MICALL2: variants seen among roughly 807,000 people sequenced by gnomAD.
The protein encoded by MICALL2 is MICAL like 2, also known as MICAL-like protein 2.
A neutral mutation model predicts 91.1 loss-of-function variants in MICALL2; 111 were observed. That is an observed-to-expected ratio of 1.22 (90% CI 1.04 to 1.43). The LOEUF (loss-of-function observed/expected upper bound fraction) is 1.43. Among genes scored for constraint, MICALL2 ranks in the 40% most tolerant of loss-of-function variants. MICALL2 has a pLI of 0.00. For missense variants in MICALL2, 1,556 were observed against 1,236.0 expected, an observed-to-expected ratio of 1.26 and a Z score of -3.88; for synonymous variants, 694 against 525.3, an observed-to-expected ratio of 1.32 and a Z score of -4.39.
intron 9 of MICALL2, chr7:1,439,626 GAC>G (rs879366522): frequency 6.9e-5 from 23 of 333,316 alleles, no homozygotes; most frequent in South Asian, 1.1e-4. Context: ...TACATGAACA[GAC>G]ACATGGACAT....
chr7:1,437,910 C>T lies in MICALL2; in HGVS notation c.2382G>A (p.Gln794=). 6.5e-7 allele frequency: 1 copy of T among 1,549,264 alleles called. No homozygotes were observed. Among genetic ancestry groups the T allele is most frequent in the Non-Finnish European group, 8.7e-7 (1 of 1,146,846 alleles). The change falls in exon 13 of 17, where the codon CAG becomes CAA. Residue 794 remains glutamine (Q), a synonymous_variant. Coordinates refer to ENST00000297508, the MANE Select transcript of MICALL2 (RefSeq NM_182924.4). ...LIHEKQLLLR[Q]ESELMYKSKA... ...CTCACTTGTACATCAGCTCTGACTC[C>T]TGTCTCAGCAGAAGCTGCTTCTCGT... is the stretch of plus-strand genomic sequence containing the variant.
chr7:1,444,486 G>A (rs561301423), intron 6 of MICALL2, among the ~76,000 whole-genome samples, 166 bp downstream of exon 6: 3 of 152,314 alleles, frequency 2.0e-5, no homozygotes, highest in Admixed American at 6.5e-5. Context: ...TGCCACCCTG[G>A]CTCCTCCTCC....
Position 1,434,592 on chromosome 7 carries a change from G to C in MICALL2, c.*4C>G. ...CCGGGCCGAGCCCACGGCCCTACTGGCTACTACTGGGAGGGGCTGCTTTTG... is the reference window on the plus strand; with the variant it reads ...CCGGGCCGAGCCCACGGCCCTACTGCCTACTACTGGGAGGGGCTGCTTTTG... On this transcript the variant is annotated 3_prime_UTR_variant, in exon 17 of 17. Transcript: ENST00000297508. The C allele has an allele frequency of 6.2e-7, 1 of 1,607,952 alleles. No individual in the cohort carries two copies. Among genetic ancestry groups the C allele is most frequent in the Non-Finnish European group, 8.5e-7 (1 of 1,176,974 alleles).
In MICALL2 at chr7:1,438,288, C is replaced by T. The variant is rs1780083704; in HGVS notation, c.2187+1G>A. Reference sequence around the variant, plus strand: ...CTGCCCGGCTCCCCACCACTACTCACCCTGACTGGGGAGGTCACCGTCTCG... The same window carrying T: ...CTGCCCGGCTCCCCACCACTACTCATCCTGACTGGGGAGGTCACCGTCTCG... On this transcript the variant is annotated splice_donor_variant, in intron 11 of 16. Coordinates refer to ENST00000297508, the MANE Select transcript of MICALL2 (RefSeq NM_182924.4). LOFTEE classifies it high-confidence loss of function. The T allele has an allele frequency of 6.3e-7, 1 of 1,597,618 alleles. No individual in the cohort carries two copies. The highest frequency in any genetic ancestry group is 8.5e-7 in the Non-Finnish European group (1 of 1,172,696).
chr7:1,442,812 G>C (rs564476307), intron 6 of MICALL2, among the ~76,000 whole-genome samples: 1 of 152,162 alleles, frequency 6.6e-6, no homozygotes, highest in Non-Finnish European at 1.5e-5. Flanking sequence ...TCCAGTGTTG[G>C]CTGAGATTAA....
intron 1 of MICALL2, among the ~76,000 whole-genome samples, chr7:1,456,035 C>T (rs893342951): frequency 7.9e-5 from 12 of 151,994 alleles, no homozygotes; most frequent in African/African-American, 2.9e-4. Context: ...AGGAGACCTC[C>T]ACCCCAGCCA....
chr7:1,435,180 T>C, intron 15 of MICALL2, 33 bp from the exon 16 acceptor site: 4 of 1,611,768 alleles, frequency 2.5e-6, no homozygotes, highest in Non-Finnish European at 3.4e-6. Context: ...TGAGCGACAA[T>C]GGCAATGGCA....
chr7:1,453,159 AT>A (rs1019216220), intron 1 of MICALL2, among the ~76,000 whole-genome samples: 1 of 152,032 alleles, frequency 6.6e-6, no homozygotes, highest in Admixed American at 6.5e-5. Flanking sequence ...CCCCAAGAAA[AT>A]GACACATTGG....
In MICALL2 at chr7:1,452,522, C is replaced by T. The variant is rs117108665; in HGVS notation, c.144-2234G>A. Reference sequence around the variant, plus strand: ...CGGCCATGTCCCCGGAAAGAATGCCCGGACGGCCGGGAGGGCAGTGTCACA... The same window carrying T: ...CGGCCATGTCCCCGGAAAGAATGCCTGGACGGCCGGGAGGGCAGTGTCACA... On this transcript the variant is annotated intron_variant, in intron 1 of 16. Transcript: ENST00000297508. The surrounding 1 kb of genome is among the most constrained non-coding windows in gnomAD (Gnocchi z 6.2). Among the ~76,000 whole-genome samples the T allele has an allele frequency of 0.012, 1,793 of 152,306 alleles. 22 individuals carry two copies. Among genetic ancestry groups the T allele is most frequent in the Non-Finnish European group, 0.019 (1,316 of 68,014 alleles).
chr7:1,438,020 A>G (rs1272538103), intron 12 of MICALL2, 40 bp from the exon 13 acceptor site: 1 of 1,552,324 alleles, frequency 6.4e-7, no homozygotes, highest in East Asian at 2.4e-5. Flanking sequence ...GGCCCGCCAG[A>G]GTTCATGGCC....
intron 13 of MICALL2, 44 bp from the exon 14 acceptor site, chr7:1,437,652 TC>T (rs1562446434): frequency 1.3e-6 from 2 of 1,522,086 alleles, no homozygotes; most frequent in East Asian, 2.5e-5. Flanking sequence ...TGCCGCCCTG[TC>T]CCCCGCCTGG....
At chr7:1,450,527 T>G in intron 1 of MICALL2, 1 of 502,512 alleles carries the variant, frequency 2.0e-6, no homozygotes. Context: ...TCACCTCCTG[T>G]ACCCTGACAG....
chr7:1,438,690 C>G, intron 10 of MICALL2, 150 bp downstream of exon 10: 2 of 1,471,130 alleles, frequency 1.4e-6, no homozygotes, highest in South Asian at 2.8e-5. Flanking sequence ...GAGGGCGGGC[C>G]TGGGGCACGG....
chr7:1,439,370 CCA>C (rs1780149064), intron 9 of MICALL2: 2 of 252,250 alleles, frequency 7.9e-6, no homozygotes, highest in Non-Finnish European at 1.5e-5. Context: ...TGAAACAGAT[CCA>C]CACATGGGTA....
rs374801751 is a variant in MICALL2 at position 1,437,625 on chromosome 7, C to A, written c.2403-17G>T. On this transcript the variant is annotated splice_polypyrimidine_tract_variant and intron_variant, in intron 13 of 16. Transcript: ENST00000297508. ...GCCTTGGACCTGCCGCACAGACACG[C>A]GTCTGAGGCCTGACTCTGCCGCCCT... 2 of 1,538,376 alleles carry A rather than the reference C, an allele frequency of 1.3e-6. No homozygotes were observed. The highest frequency in any genetic ancestry group is 1.2e-5 in the South Asian group (1 of 83,954).
At chr7:1,441,025 G>A (rs181892046) in intron 7 of MICALL2, 57 of 328,464 alleles carry the variant, frequency 1.7e-4, no homozygotes, top group African/African-American at 9.1e-4. Context: ...ACGGCTGCCC[G>A]TCTGCAGGCT....
chr7:1,443,490 C>G (rs2128521773), intron 6 of MICALL2, among the ~76,000 whole-genome samples: 1 of 152,322 alleles, frequency 6.6e-6, no homozygotes, highest in Middle Eastern at 3.4e-3. Context: ...ATGGTGACCC[C>G]TAAAAGTCAT....
At chr7:1,456,079 G>A (rs1781004211) in intron 1 of MICALL2, among the ~76,000 whole-genome samples, 1 of 151,886 alleles carries the variant, frequency 6.6e-6, no homozygotes, top group Non-Finnish European at 1.5e-5. Context: ...GGGAGCAGAG[G>A]CTGAGGGCAC....
In MICALL2 at chr7:1,435,163, A is replaced by C; in HGVS notation, c.2592-16T>G. 3.7e-6 allele frequency: 6 copies of C among 1,613,048 alleles called. No homozygotes were observed. The highest frequency in any genetic ancestry group is 5.1e-6 in the Non-Finnish European group (6 of 1,179,818). ...CTCTTGTTCCCTGAAACGGGACCAG[A>C]TGGCCATGAGCGACAATGGCAATGG... is the stretch of plus-strand genomic sequence containing the variant. On this transcript the variant is annotated splice_polypyrimidine_tract_variant and intron_variant, in intron 15 of 16. Transcript: ENST00000297508.
Sources: allele counts gnomAD v4.1 joint callset (sites outside exome capture counted in the v4.1 genomes callset), GRCh38; gene constraint gnomAD v4.1.1; non-coding constraint Gnocchi (gnomAD v3.1); transcripts MANE v1.5; gene names NCBI Gene and HGNC (gene_info 2026-07-23, HGNC 2026-07-21).